BTRC: variants seen among roughly 807,000 people sequenced by gnomAD.
The protein encoded by BTRC is beta-transducin repeat containing E3 ubiquitin protein ligase, also known as F-box/WD repeat-containing protein 1A.
A neutral mutation model predicts 85.5 loss-of-function variants in BTRC; 42 were observed. That is an observed-to-expected ratio of 0.49 (90% CI 0.38 to 0.64). BTRC has a LOEUF of 0.64. Ranked by LOEUF, BTRC falls within the 30% of genes least tolerant of loss-of-function variation. BTRC has a pLI of 0.00. For missense variants in BTRC, 594 were observed against 743.5 expected, an observed-to-expected ratio of 0.80 and a Z score of 2.34; for synonymous variants, 255 against 263.3, an observed-to-expected ratio of 0.97 and a Z score of 0.30.
At chr10:101,497,747 C>T (rs1040061462) in intron 4 of BTRC, among the ~76,000 whole-genome samples, 4 of 152,046 alleles carry the variant, frequency 2.6e-5, no homozygotes, top group African/African-American at 4.8e-5. Flanking sequence ...GTTGGCTGGG[C>T]GTGATGACTC....
intron 3 of BTRC, among the ~76,000 whole-genome samples, chr10:101,464,961 C>T (rs1257835303): frequency 6.6e-6 from 1 of 152,116 alleles, no homozygotes; most frequent in Non-Finnish European, 1.5e-5. Context: ...GGTCACAGGG[C>T]AGCTGTCCAG....
chr10:101,378,628 G>A (rs1476520553), intron 1 of BTRC, among the ~76,000 whole-genome samples: 1 of 150,058 alleles, frequency 6.7e-6, no homozygotes, highest in Non-Finnish European at 1.5e-5. Context: ...ATGTTCAAGC[G>A]ATTCTCCTGC....
At chr10:101,503,674 A>G (rs1362152719) in intron 4 of BTRC, among the ~76,000 whole-genome samples, 3 of 152,196 alleles carry the variant, frequency 2.0e-5, no homozygotes, top group African/African-American at 7.2e-5. Flanking sequence ...CTGCTGCCTC[A>G]TAGAATTATT....
chr10:101,356,248 C>T (rs1942031780), intron 1 of BTRC, among the ~76,000 whole-genome samples: 1 of 152,176 alleles, frequency 6.6e-6, no homozygotes, highest in African/African-American at 2.4e-5. Context: ...ATCCGCCCAC[C>T]TTGGCCTCCC....
rs2062704562 is a variant in BTRC, at chr10:101,554,755, C to A, written c.*1632C>A. On this transcript the variant is annotated 3_prime_UTR_variant, in exon 15 of 15. Transcript: ENST00000370187. ...ACTCGGAAGGCAGCTGTGTGAGCTG[C>A]CAAGCTAGTGGGCTTCAGGTGCAAG... The A allele has an allele frequency of 6.6e-6, 1 of 152,608 alleles. No homozygotes were observed. The highest frequency in any genetic ancestry group is 2.4e-5 in the African/African-American group (1 of 41,442). 9.5% of individuals were successfully genotyped at this position (152,608 alleles called of 1,614,324 possible). A position where few individuals can be genotyped will look rare whatever the true frequency, so the allele number is the denominator to read the frequency against.
chr10:101,546,330 T>C (rs1373493841), intron 13 of BTRC, among the ~76,000 whole-genome samples: 1 of 152,126 alleles, frequency 6.6e-6, no homozygotes, highest in Non-Finnish European at 1.5e-5. Flanking sequence ...AATCCCAAAA[T>C]ATGTGGAGAT....
At chr10:101,393,465 G>A (rs1279478554) in intron 1 of BTRC, among the ~76,000 whole-genome samples, 1 of 152,082 alleles carries the variant, frequency 6.6e-6, no homozygotes, top group African/African-American at 2.4e-5. Flanking sequence ...GATGAGGCCC[G>A]AGGCTCTCTT....
chr10:101,530,724 A>G (rs1265493897), intron 6 of BTRC, among the ~76,000 whole-genome samples: 3 of 152,206 alleles, frequency 2.0e-5, no homozygotes. Flanking sequence ...CCAAAAGCAA[A>G]TCAGTGTTGG....
At chr10:101,482,597 G>T (rs1280937314) in intron 4 of BTRC, among the ~76,000 whole-genome samples, 3 of 151,804 alleles carry the variant, frequency 2.0e-5, no homozygotes, top group Admixed American at 1.3e-4. Context: ...GGGTTTCACC[G>T]CGTTGGCCGG....
chr10:101,359,875 C>T (rs1942152030), intron 1 of BTRC, among the ~76,000 whole-genome samples: 1 of 152,104 alleles, frequency 6.6e-6, no homozygotes, highest in Admixed American at 6.6e-5. Context: ...GCTGAGATTA[C>T]AGGCGTGAGC....
At chr10:101,411,906 C>T (rs1943790383) in intron 1 of BTRC, among the ~76,000 whole-genome samples, 3 of 152,268 alleles carry the variant, frequency 2.0e-5, no homozygotes, top group African/African-American at 7.2e-5. Flanking sequence ...TGCAGATCAA[C>T]TTGATGCTCT....
chr10:101,373,873 G>A (rs1383034128), intron 1 of BTRC, among the ~76,000 whole-genome samples: 5 of 151,334 alleles, frequency 3.3e-5, no homozygotes, highest in South Asian at 2.1e-4. Flanking sequence ...AGCCGAGATC[G>A]TGCCACTGCA....
rs141223378 is a variant in BTRC at position 101,394,013 on chromosome 10, C to T, written c.49-36332C>T. On this transcript the variant is annotated intron_variant, in intron 1 of 14. Coordinates refer to ENST00000370187, the MANE Select transcript of BTRC (RefSeq NM_033637.4). ...AACTGAGTGTATAATTGAGTCTGTA[C>T]CTAGGACTTCCAGGGCTTTTAGTAA... Among the ~76,000 whole-genome samples, 6 of 152,284 alleles carry T rather than the reference C, an allele frequency of 3.9e-5. No individual in the cohort carries two copies. The East Asian group carries it at 9.6e-4, about 24-fold the overall frequency.
intron 1 of BTRC, among the ~76,000 whole-genome samples, chr10:101,409,327 T>C (rs1417197533): frequency 1.3e-5 from 2 of 152,254 alleles, no homozygotes; most frequent in African/African-American, 4.8e-5. Flanking sequence ...GCATACAATA[T>C]GTGACTTTTT....
intron 2 of BTRC, among the ~76,000 whole-genome samples, chr10:101,444,123 ATC>A (rs1944763306): frequency 6.6e-6 from 1 of 152,196 alleles, no homozygotes; most frequent in African/African-American, 2.4e-5. Context: ...GATATATCTC[ATC>A]TCAGCAAAAA....
chr10:101,380,141 T>G (rs1942892139), intron 1 of BTRC, among the ~76,000 whole-genome samples: 2 of 152,178 alleles, frequency 1.3e-5, no homozygotes, highest in South Asian at 4.1e-4. Context: ...AAACAAGACC[T>G]GGTTTTCAGG....
At chr10:101,401,699 G>T (rs1222695068) in intron 1 of BTRC, among the ~76,000 whole-genome samples, 1 of 151,974 alleles carries the variant, frequency 6.6e-6, no homozygotes, top group African/African-American at 2.4e-5. Flanking sequence ...GAGGCTGCTT[G>T]CAGTGGCTCA....
intron 4 of BTRC, among the ~76,000 whole-genome samples, chr10:101,507,198 G>A (rs1371767774): frequency 2.0e-5 from 3 of 152,056 alleles, no homozygotes; most frequent in Admixed American, 2.0e-4. Flanking sequence ...TTAACAGTAC[G>A]TAGAAAGTTA....
intron 13 of BTRC, among the ~76,000 whole-genome samples, chr10:101,545,401 A>G (rs1011442575): frequency 1.3e-5 from 2 of 152,262 alleles, no homozygotes; most frequent in African/African-American, 2.4e-5. Flanking sequence ...AGCGAAAGAT[A>G]TAACACATGT....
Sources: gnomAD v4.1 joint callset for allele counts (sites outside exome capture counted in the v4.1 genomes callset) on GRCh38, gnomAD v4.1.1 for gene constraint, MANE v1.5 for transcripts, NCBI Gene and HGNC (gene_info 2026-07-23, HGNC 2026-07-21) for gene names.